The following WWOX variants were observed in gnomAD, a reference collection of about 807,000 sequenced individuals.
WWOX encodes the protein WW domain-containing oxidoreductase.
A neutral mutation model predicts 46.2 loss-of-function variants in WWOX; 69 were observed. The ratio of observed to expected loss-of-function variants is 1.49; its 90% CI spans 1.23 to 1.82. The LOEUF is 1.82. Ranked by LOEUF, WWOX falls within the 40% of genes most tolerant of loss-of-function variation. WWOX has a pLI of 0.00. For synonymous variants in WWOX, 359 were observed against 202.6 expected (o/e 1.77, Z -6.56); for missense variants, 919 against 542.6 (o/e 1.69, Z -6.89).
intron 5 of WWOX, among the ~76,000 whole-genome samples, chr16:78,359,126 C>T (rs2081357953): frequency 1.3e-5 from 2 of 152,226 alleles, no homozygotes; most frequent in African/African-American, 4.8e-5. Context: ...CTTTCTGTAG[C>T]AGTGTCTGAG....
chr16:78,723,604 TTTC>T (rs1280556108), intron 8 of WWOX, among the ~76,000 whole-genome samples: 24 of 26,750 alleles, frequency 9.0e-4, no homozygotes, highest in South Asian at 2.4e-3. Flanking sequence ...TTTCTTTTCT[TTTC>T]TTTTCTTTTC....
chr16:78,735,027 C>G (rs1163475703), intron 8 of WWOX, among the ~76,000 whole-genome samples: 1 of 151,330 alleles, frequency 6.6e-6, no homozygotes, highest in African/African-American at 2.4e-5. Flanking sequence ...CCATCATGCC[C>G]AGCTAACTTT....
chr16:78,243,113 C>G (rs1026411631), intron 5 of WWOX, among the ~76,000 whole-genome samples: 2 of 152,118 alleles, frequency 1.3e-5, no homozygotes, highest in East Asian at 1.9e-4. Flanking sequence ...CCATGATGCT[C>G]TCTTGCATTT....
intron 4 of WWOX, among the ~76,000 whole-genome samples, chr16:78,159,765 T>C (rs937674818): frequency 6.6e-6 from 1 of 150,992 alleles, no homozygotes; most frequent in Non-Finnish European, 1.5e-5. Context: ...TTTGCAAGTA[T>C]TTTTTACTAT....
intron 8 of WWOX, among the ~76,000 whole-genome samples, chr16:78,609,573 A>T (rs1777391422): frequency 6.9e-6 from 1 of 143,994 alleles, no homozygotes; most frequent in Admixed American, 7.0e-5. Flanking sequence ...GACTCCTCAT[A>T]CCCCTCCTAG....
At position 78,164,202 on chromosome 16, in the gene WWOX, T is replaced by C. The variant is rs1280021320; in HGVS notation, c.429T>C (p.Ser143=). ...CCATAGGGTTCGAAACCGCCAAGTC[T>C]TTTGCCCTCCATGGTGCACATGTGA... ...NSGIGFETAK[S]FALHGAHVIL... Residue 143 remains serine, a synonymous_variant, in exon 5 of 9, where the codon TCT becomes TCC. Coordinates refer to ENST00000566780, the MANE Select transcript of WWOX (RefSeq NM_016373.4). 1 of 1,614,074 alleles carries C rather than the reference T, an allele frequency of 6.2e-7. No homozygotes were observed. The highest frequency in any genetic ancestry group is 1.7e-5 in the Admixed American group (1 of 60,000).
At chr16:78,875,443 G>A (rs1228632036) in intron 8 of WWOX, among the ~76,000 whole-genome samples, 1 of 152,080 alleles carries the variant, frequency 6.6e-6, no homozygotes, top group Non-Finnish European at 1.5e-5. Context: ...TGGCTAGAAT[G>A]ATTAAAACAA....
chr16:78,510,437 C>T (rs1040893204), intron 8 of WWOX, among the ~76,000 whole-genome samples: 17 of 152,130 alleles, frequency 1.1e-4, no homozygotes, highest in African/African-American at 4.1e-4. Context: ...TGGTCTCAAA[C>T]TCCTGACCTC....
rs143473304 is a variant in WWOX, at chr16:78,780,788, G to A, written c.1056+348036G>A. 3.7e-3 allele frequency among the ~76,000 whole-genome samples: 563 copies of A among 152,296 alleles called. 6 individuals carry two copies. Among genetic ancestry groups the A allele is most frequent in the South Asian group, 0.019 (93 of 4,828 alleles). On this transcript the variant is annotated intron_variant, in intron 8 of 8. Transcript: ENST00000566780. ...AAAGGGGCCCGTATGGCTAGCATAG[G>A]ATGGGATAGGGGATCGTGGTGGATA... is the stretch of plus-strand genomic sequence containing the variant.
chr16:78,291,442 C>T (rs1397793553), intron 5 of WWOX, among the ~76,000 whole-genome samples: 3 of 152,162 alleles, frequency 2.0e-5, no homozygotes, highest in African/African-American at 7.2e-5. Flanking sequence ...AGGCCACTCA[C>T]GTGAACTAAG....
intron 8 of WWOX, among the ~76,000 whole-genome samples, chr16:78,829,321 T>C (rs1239751651): frequency 6.6e-6 from 1 of 152,172 alleles, no homozygotes; most frequent in Non-Finnish European, 1.5e-5. Context: ...GCATCCCAGG[T>C]TGAAGACAGT....
At chr16:78,857,882 C>G (rs1366513678) in intron 8 of WWOX, among the ~76,000 whole-genome samples, 1 of 152,130 alleles carries the variant, frequency 6.6e-6, no homozygotes, top group Non-Finnish European at 1.5e-5. Flanking sequence ...GCCTTTTGAT[C>G]AAGCAATTCC....
chr16:78,664,941 G>A (rs1015033635), intron 8 of WWOX, among the ~76,000 whole-genome samples: 3 of 152,176 alleles, frequency 2.0e-5, no homozygotes, highest in Non-Finnish European at 2.9e-5. Flanking sequence ...CAGCCTAATA[G>A]CCTAAACCCT....
Position 78,100,225 on chromosome 16 carries a change from C to T in WWOX, c.107+340C>T, listed in dbSNP as rs1003289751. On this transcript the variant is annotated intron_variant, in intron 1 of 8. Transcript: ENST00000566780. Reference sequence around the variant, plus strand: ...CATGCTCAGCTCCCTCCTGCAGGCTCTGGGTTGCAGGGATAGGAGTTTTGT... The same window carrying T: ...CATGCTCAGCTCCCTCCTGCAGGCTTTGGGTTGCAGGGATAGGAGTTTTGT... The T allele has an allele frequency of 7.7e-5, 89 of 1,157,102 alleles. No individual in the cohort carries two copies. In the African/African-American group the frequency reaches 1.2e-3, roughly 15 times the overall value. 71.7% of individuals were successfully genotyped at this position (1,157,102 alleles called of 1,614,324 possible).
intron 8 of WWOX, among the ~76,000 whole-genome samples, chr16:78,446,668 T>TC (rs1352950814): frequency 9.7e-6 from 1 of 102,650 alleles, no homozygotes; most frequent in African/African-American, 7.9e-5. Flanking sequence ...TTTTTTTTTT[T>TC]TTTTTTTTTT....
intron 8 of WWOX, among the ~76,000 whole-genome samples, chr16:78,672,523 A>C (rs2047491669): frequency 6.6e-6 from 1 of 152,220 alleles, no homozygotes; most frequent in Non-Finnish European, 1.5e-5. Flanking sequence ...CCAGGTCATT[A>C]GGCCCAGAGT....
chr16:78,719,096 A>T (rs949968251), intron 8 of WWOX, among the ~76,000 whole-genome samples: 3 of 152,198 alleles, frequency 2.0e-5, no homozygotes, highest in Non-Finnish European at 4.4e-5. Context: ...GCCCCTCATG[A>T]CGCACAACTG....
chr16:78,619,894 C>T (rs1056461147), intron 8 of WWOX, among the ~76,000 whole-genome samples: 1 of 151,938 alleles, frequency 6.6e-6, no homozygotes, highest in Non-Finnish European at 1.5e-5. Flanking sequence ...AGAGTGAGAA[C>T]CTGTCTCCAA....
At chr16:78,932,687 G>A (rs1384457134) in intron 8 of WWOX, among the ~76,000 whole-genome samples, 1 of 152,208 alleles carries the variant, frequency 6.6e-6, no homozygotes, top group African/African-American at 2.4e-5. Flanking sequence ...GGACCTGGTG[G>A]AGTTAAAACA....
Sources: gnomAD v4.1 joint callset for allele counts (sites outside exome capture counted in the v4.1 genomes callset) on GRCh38, gnomAD v4.1.1 for gene constraint, MANE v1.5 for transcripts, NCBI Gene and HGNC (gene_info 2026-07-23, HGNC 2026-07-21) for gene names.